The following DYNC1H1 variants were observed in gnomAD, a reference collection of about 807,000 sequenced individuals.
The protein encoded by DYNC1H1 is dynein cytoplasmic 1 heavy chain 1.
In DYNC1H1, 51 loss-of-function variants were observed where a neutral mutation model predicts 527.1. That is an observed-to-expected ratio of 0.10 (90% CI 0.08 to 0.12). The LOEUF (loss-of-function observed/expected upper bound fraction) is 0.12. Among genes scored for constraint, DYNC1H1 ranks in the 10% least tolerant of loss-of-function variants. DYNC1H1 has a pLI of 1.00. For synonymous variants in DYNC1H1, 2,189 were observed against 2,278.8 expected, an observed-to-expected ratio of 0.96 and a Z score of 1.12; for missense variants, 2,771 against 5,971.8, an observed-to-expected ratio of 0.46 and a Z score of 17.66.
intron 27 of DYNC1H1, 27 bp downstream of exon 27, chr14:102,006,197 A>T (rs775801522): frequency 6.2e-7 from 1 of 1,610,570 alleles, no homozygotes; most frequent in Non-Finnish European, 8.5e-7. Flanking sequence ...ATCTGGACAG[A>T]TGGAATCATA....
Position 102,019,793 on chromosome 14 carries a change from G to A in DYNC1H1, c.8344-100G>A. On this transcript the variant is annotated intron_variant, in intron 41 of 77. Transcript: ENST00000360184. ...TCTTCTTAAATATTTCAGGGTCTAGGTTCTTTAATGTAAACATGTTTTGCC... is the reference window on the plus strand; with the variant it reads ...TCTTCTTAAATATTTCAGGGTCTAGATTCTTTAATGTAAACATGTTTTGCC... 3 of 1,461,548 alleles carry A rather than the reference G, an allele frequency of 2.1e-6. No homozygotes were observed. In the South Asian group the frequency reaches 3.4e-5, roughly 17 times the overall value. 90.5% of individuals were successfully genotyped at this position (1,461,548 alleles called of 1,614,324 possible).
rs1245552859 is a variant in DYNC1H1 at position 102,047,639 on chromosome 14, GTGTATATA to G, written c.13007-176_13007-169del. On this transcript the variant is annotated intron_variant, in intron 72 of 77. Coordinates refer to ENST00000360184, the MANE Select transcript of DYNC1H1 (RefSeq NM_001376.5). ...TATACACGTGTGTGTGTGTGTGTGT[GTGTATATA>G]TATATATATATATATATGTACACAC... 1.5e-4 allele frequency: 52 copies of G among 351,940 alleles called. 2 individuals are homozygous for G. Among genetic ancestry groups the G allele is most frequent in the African/African-American group, 1.3e-3 (27 of 20,970 alleles). 21.8% of individuals were successfully genotyped at this position (351,940 alleles called of 1,614,324 possible).
At position 101,997,169 on chromosome 14, in the gene DYNC1H1, G is replaced by A; in HGVS notation, c.3699G>A (p.Gln1233=). 2 of 1,614,146 alleles carry A rather than the reference G, an allele frequency of 1.2e-6. No homozygotes were observed. The highest frequency in any genetic ancestry group is 8.5e-7 in the Non-Finnish European group (1 of 1,180,038). The change falls in exon 16 of 78, where the codon CAG becomes CAA. Residue 1233 remains glutamine, a synonymous_variant. Coordinates refer to ENST00000360184, the MANE Select transcript of DYNC1H1 (RefSeq NM_001376.5). The surrounding 1 kb of genome is among the most constrained non-coding windows in gnomAD (Gnocchi z 4.8). ...DIMRRKDSAI[Q]QQVANLQMKI... ...TGCGGCGAAAGGACTCTGCCATTCAGCAGCAGGTGGCAAACCTGCAAATGA... is the reference window on the plus strand; with the variant it reads ...TGCGGCGAAAGGACTCTGCCATTCAACAGCAGGTGGCAAACCTGCAAATGA...
rs1309499651 is a variant in DYNC1H1, at chr14:101,983,915, G to T, written c.1461+306G>T. Among the ~76,000 whole-genome samples the T allele has an allele frequency of 6.6e-6, 1 of 152,058 alleles. No homozygotes were observed. Among genetic ancestry groups the T allele is most frequent in the East Asian group, 1.9e-4 (1 of 5,206 alleles). ...GCTGGTTTTGAACTGGCCTTCAAGT[G>T]TTCCACCTGCCTCGGCCTCCCAAAG... On this transcript the variant is annotated intron_variant, in intron 7 of 77. Transcript: ENST00000360184. This position sits in a 1 kb window ranked among gnomAD's most constrained non-coding sequence, Gnocchi z 5.3.
chr14:101,968,539 G>A (rs1235375327), intron 1 of DYNC1H1, among the ~76,000 whole-genome samples: 1 of 151,578 alleles, frequency 6.6e-6, no homozygotes, highest in Non-Finnish European at 1.5e-5. Context: ...CCACGTGTTT[G>A]TTTGTTTAAC....
At position 101,999,952 on chromosome 14, in the gene DYNC1H1, A is replaced by G. The variant is rs373680617; in HGVS notation, c.3805-37A>G. On this transcript the variant is annotated intron_variant, in intron 16 of 77. Coordinates refer to ENST00000360184, the MANE Select transcript of DYNC1H1 (RefSeq NM_001376.5). ...CCTAAATGCTCATCTCTCCTGAGAC[A>G]TTGTGCTCCAATTCTCTGTGCTCTG... 4 of 1,613,876 alleles carry G rather than the reference A, an allele frequency of 2.5e-6. No homozygotes were observed. In the East Asian group the frequency reaches 8.9e-5, roughly 36 times the overall value.
At position 102,016,973 on chromosome 14, in the gene DYNC1H1, G is replaced by A. The variant is rs2048330673; in HGVS notation, c.7822G>A (p.Ala2608Thr). 2.5e-6 allele frequency: 4 copies of A among 1,614,246 alleles called. No individual in the cohort carries two copies. Among genetic ancestry groups the A allele is most frequent in the Non-Finnish European group, 3.4e-6 (4 of 1,180,044 alleles). Residue 2608 changes from alanine (A) to threonine (T), a missense_variant, in exon 38 of 78, where the codon GCC becomes ACC. Ala to Thr is a moderately conservative substitution (Grantham distance 58, BLOSUM62 0). Transcript: ENST00000360184. This position sits in a 1 kb window ranked among gnomAD's most constrained non-coding sequence, Gnocchi z 7.3. ...TGGCAAGACCATGACACTCTTCAGCGCCCTCCGGGCCTTGCCTGACATGGA... is the reference window on the plus strand; with the variant it reads ...TGGCAAGACCATGACACTCTTCAGCACCCTCCGGGCCTTGCCTGACATGGA... The part of the protein sequence containing the change: ...GSGKTMTLFS[A>T]LRALPDMEVV...
Position 101,964,621 on chromosome 14 carries a change from T to G in DYNC1H1, c.-71T>G. 1 of 1,537,294 alleles carries G rather than the reference T, an allele frequency of 6.5e-7. No homozygotes were observed. Among genetic ancestry groups the G allele is most frequent in the Non-Finnish European group, 8.7e-7 (1 of 1,147,654 alleles). ...GTCCGGCTTCCGGCGGCCGTTTCTGTCTCTTGCTGGCTGTCTCGCTGAGTC... is the reference window on the plus strand; with the variant it reads ...GTCCGGCTTCCGGCGGCCGTTTCTGGCTCTTGCTGGCTGTCTCGCTGAGTC... On this transcript the variant is annotated 5_prime_UTR_variant, in exon 1 of 78. Coordinates refer to ENST00000360184, the MANE Select transcript of DYNC1H1 (RefSeq NM_001376.5). The surrounding 1 kb of genome is among the most constrained non-coding windows in gnomAD (Gnocchi z 5.5).
In DYNC1H1 at chr14:102,036,407, C is replaced by T. The variant is rs1248683992; in HGVS notation, c.10755-82C>T. On this transcript the variant is annotated intron_variant, in intron 56 of 77. Coordinates refer to ENST00000360184, the MANE Select transcript of DYNC1H1 (RefSeq NM_001376.5). This position sits in a 1 kb window ranked among gnomAD's most constrained non-coding sequence, Gnocchi z 5.6. ...GGTAACAGCCTATCAATCAGGGTCT[C>T]TCATCAGGGACTCGGCTAACCGTGA... 2 of 1,587,396 alleles carry T rather than the reference C, an allele frequency of 1.3e-6. No homozygotes were observed. The highest frequency in any genetic ancestry group is 2.2e-5 in the South Asian group (2 of 89,928).
rs1416033053 is a variant in DYNC1H1 at position 102,011,441 on chromosome 14, C to T, written c.6619-434C>T. The stretch of plus-strand genomic sequence containing the variant: ...CATCCATTGGGTCTCTTGTTGTCCT[C>T]GGCGGGATCTGATGTGTCCTTGTTG... On this transcript the variant is annotated intron_variant, in intron 32 of 77. Transcript: ENST00000360184. The surrounding 1 kb of genome is among the most constrained non-coding windows in gnomAD (Gnocchi z 5.3). The T allele has an allele frequency of 1.2e-5, 4 of 341,938 alleles. No individual in the cohort carries two copies. Among genetic ancestry groups the T allele is most frequent in the Non-Finnish European group, 2.3e-5 (4 of 176,998 alleles). 21.2% of individuals were successfully genotyped at this position (341,938 alleles called of 1,614,324 possible). A position where few individuals can be genotyped will look rare whatever the true frequency, so the allele number is the denominator to read the frequency against.
rs539114876 is a variant in DYNC1H1 at position 102,042,856 on chromosome 14, A to C, written c.12513+108A>C. On this transcript the variant is annotated intron_variant, in intron 69 of 77. Transcript: ENST00000360184. This position sits in a 1 kb window ranked among gnomAD's most constrained non-coding sequence, Gnocchi z 5.7. ...GGCCCCCGGAAGTGCCGTGTGGTGA[A>C]CTGCACAGCTGCTTTTGCTTTTCAG... 3 of 1,268,808 alleles carry C rather than the reference A, an allele frequency of 2.4e-6. No individual in the cohort carries two copies. The East Asian group carries it at 7.5e-5, about 32-fold the overall frequency. 78.6% of individuals were successfully genotyped at this position (1,268,808 alleles called of 1,614,324 possible). A position where few individuals can be genotyped will look rare whatever the true frequency, so the allele number is the denominator to read the frequency against.
At chr14:101,980,058 G>A (rs2047845646) in intron 4 of DYNC1H1, 84 bp downstream of exon 4, 2 of 1,594,628 alleles carry the variant, frequency 1.3e-6, no homozygotes, top group East Asian at 2.2e-5. Context: ...TGTAAGTGAG[G>A]TAAATTATGT....
chr14:101,996,270 C>A (rs574225887), intron 15 of DYNC1H1, among the ~76,000 whole-genome samples: 67 of 151,622 alleles, frequency 4.4e-4, no homozygotes, highest in African/African-American at 1.6e-3. Context: ...GCTGGAATTA[C>A]AGGCGCCCAC....
chr14:102,011,739 G>T lies in DYNC1H1; in HGVS notation c.6619-136G>T. 3.4e-6 allele frequency: 3 copies of T among 890,988 alleles called. No homozygotes were observed. 55.2% of individuals were successfully genotyped at this position (890,988 alleles called of 1,614,324 possible). ...TGCATTCCAGTCTGGGTGACAGAGA[G>T]AGACTCCGTTTCAGGAAAAAAAAAA... On this transcript the variant is annotated intron_variant, in intron 32 of 77. Coordinates refer to ENST00000360184, the MANE Select transcript of DYNC1H1 (RefSeq NM_001376.5). The surrounding 1 kb of genome is among the most constrained non-coding windows in gnomAD (Gnocchi z 5.3).
intron 43 of DYNC1H1, among the ~76,000 whole-genome samples, chr14:102,025,152 G>A (rs1435338928): frequency 4.6e-5 from 7 of 151,936 alleles, no homozygotes; most frequent in East Asian, 2.0e-4. Context: ...CCTGCCCAAC[G>A]TGGTGAAACC....
Position 102,016,185 on chromosome 14 carries a change from C to A in DYNC1H1, c.7473+99C>A. 6.6e-7 allele frequency: 1 copy of A among 1,518,570 alleles called. No homozygotes were observed. The allele number at this position is 1,518,570 out of a possible 1,614,324, so 94.1% of individuals were successfully genotyped here. A position where few individuals can be genotyped will look rare whatever the true frequency, so the allele number is the denominator to read the frequency against. On this transcript the variant is annotated intron_variant, in intron 36 of 77. Coordinates refer to ENST00000360184, the MANE Select transcript of DYNC1H1 (RefSeq NM_001376.5). The surrounding 1 kb of genome is among the most constrained non-coding windows in gnomAD (Gnocchi z 7.3). Reference sequence around the variant, plus strand: ...GCACCTGTGGGGATGTGCGCTCTCTCCTAGGCGAGGCAGAGCCTTCGTTGA... The same window carrying A: ...GCACCTGTGGGGATGTGCGCTCTCTACTAGGCGAGGCAGAGCCTTCGTTGA...
Position 101,964,794 on chromosome 14 carries a change from C to G in DYNC1H1, c.103C>G (p.Arg35Gly). 4.4e-6 allele frequency: 7 copies of G among 1,602,888 alleles called. No homozygotes were observed. Among genetic ancestry groups the G allele is most frequent in the Non-Finnish European group, 5.9e-6 (7 of 1,176,694 alleles). ...ADVSVLQKHL[R>G]KLVPLLLEDG... ...CGTGTCGGTGCTGCAGAAGCACCTG[C>G]GCAAGCTGGTGCCGCTGCTGCTGGA... is the stretch of plus-strand genomic sequence containing the variant. The change falls in exon 1 of 78, where the codon CGC becomes GGC. Residue 35 changes from arginine to glycine, a missense_variant. Arg to Gly is a moderately radical substitution (Grantham distance 125). Transcript: ENST00000360184. The surrounding 1 kb of genome is among the most constrained non-coding windows in gnomAD (Gnocchi z 5.5).
At chr14:101,978,393 G>A (rs1050492558) in intron 2 of DYNC1H1, among the ~76,000 whole-genome samples, 22 of 152,174 alleles carry the variant, frequency 1.4e-4, no homozygotes, top group African/African-American at 5.1e-4. Flanking sequence ...GGCTGGTCTC[G>A]AACTCCTGAC....
intron 4 of DYNC1H1, 37 bp from the exon 5 acceptor site, chr14:101,980,323 TTAAA>T (rs2047848863): frequency 6.2e-7 from 1 of 1,608,958 alleles, no homozygotes; most frequent in Admixed American, 1.7e-5. Flanking sequence ...TCTACCTTGT[TTAAA>T]TAGTGAATAC....
Sources: allele counts gnomAD v4.1 joint callset (sites outside exome capture counted in the v4.1 genomes callset), GRCh38; gene constraint gnomAD v4.1.1; non-coding constraint Gnocchi (gnomAD v3.1); transcripts MANE v1.5; gene names NCBI Gene and HGNC (gene_info 2026-07-23, HGNC 2026-07-21).